The following YKT6 variants were observed in gnomAD, a reference collection of about 807,000 sequenced individuals.
The protein encoded by YKT6 is YKT6 vesicular SNARE protein.
YKT6 carries 12 observed loss-of-function variants against 29.3 expected under a neutral mutation model. That is an observed-to-expected ratio of 0.41 (90% CI 0.26 to 0.66). The LOEUF is 0.66. Ranked by LOEUF, YKT6 falls within the 30% of genes least tolerant of loss-of-function variation. The pLI is 0.32. For missense variants in YKT6, 188 were observed against 243.8 expected, an observed-to-expected ratio of 0.77 and a Z score of 1.52; for synonymous variants, 86 against 94.3, an observed-to-expected ratio of 0.91 and a Z score of 0.51.
chr7:44,203,333 A>G (rs2096337744), intron 1 of YKT6, among the ~76,000 whole-genome samples: 1 of 152,180 alleles, frequency 6.6e-6, no homozygotes, highest in African/African-American at 2.4e-5. Context: ...AGCTCAAGTG[A>G]TCCGCCTGCC....
intron 2 of YKT6, among the ~76,000 whole-genome samples, chr7:44,204,874 G>C (rs2096339273): frequency 6.6e-6 from 1 of 152,182 alleles, no homozygotes; most frequent in African/African-American, 2.4e-5. Flanking sequence ...TTTAAGATTA[G>C]GGTCTGACTC....
intron 1 of YKT6, among the ~76,000 whole-genome samples, chr7:44,202,927 T>G (rs1279244702): frequency 6.6e-6 from 1 of 152,164 alleles, no homozygotes; most frequent in Non-Finnish European, 1.5e-5. Flanking sequence ...TTCTTTTTCC[T>G]TTTTCCTTCC....
chr7:44,210,735 T>G, intron 5 of YKT6: 4 of 488,744 alleles, frequency 8.2e-6, no homozygotes, highest in Non-Finnish European at 1.2e-5. Flanking sequence ...TATATATATA[T>G]GAGTTTTCCT....
Position 44,212,234 on chromosome 7 carries a change from GT to G in YKT6, c.562-6del, listed in dbSNP as rs766059961. The G allele has an allele frequency of 1.9e-6, 3 of 1,613,758 alleles. No individual in the cohort carries two copies. The highest frequency in any genetic ancestry group is 2.5e-6 in the Non-Finnish European group (3 of 1,179,872). On this transcript the variant is annotated splice_polypyrimidine_tract_variant and intron_variant, in intron 6 of 6. Transcript: ENST00000223369. ...CAGTCCTCCTTCTCAGCTCCTCTTTGTTTTTTTCCAAGGCCCGGAAACAAAA... is the reference window on the plus strand; with the variant it reads ...CAGTCCTCCTTCTCAGCTCCTCTTTGTTTTTTCCAAGGCCCGGAAACAAAA...
chr7:44,201,282 G>T, intron 1 of YKT6, 43 bp downstream of exon 1: 2 of 1,576,342 alleles, frequency 1.3e-6, no homozygotes, highest in South Asian at 2.3e-5. Flanking sequence ...CGGGCGGAGA[G>T]GACTGGGGTG....
chr7:44,209,323 C>G (rs1254785434), intron 5 of YKT6, among the ~76,000 whole-genome samples: 1 of 152,182 alleles, frequency 6.6e-6, no homozygotes, highest in Non-Finnish European at 1.5e-5. Context: ...GGTGTGCTGA[C>G]TGCACTCCAA....
At chr7:44,210,993 G>C in intron 5 of YKT6, 30 bp from the exon 6 acceptor site, 1 of 1,612,152 alleles carries the variant, frequency 6.2e-7, no homozygotes, top group Non-Finnish European at 8.5e-7. Flanking sequence ...GTACTGAACA[G>C]AGCTGGATTC....
At chr7:44,206,552 G>A (rs1455586446) in intron 3 of YKT6, 67 bp downstream of exon 3, 1 of 1,362,374 alleles carries the variant, frequency 7.3e-7, no homozygotes, top group Non-Finnish European at 1.0e-6. Context: ...CTGGGACAGG[G>A]GTTGATGGCA....
rs987479707 is a variant in YKT6, at chr7:44,201,352, C to T, written c.104+113C>T. On this transcript the variant is annotated intron_variant, in intron 1 of 6. Coordinates refer to ENST00000223369, the MANE Select transcript of YKT6 (RefSeq NM_006555.4). ...AGGGATGAGGGGAGGGTGGAGGAGG[C>T]CAAGGGTAGGGGCAGGGCGGGGTGG... 1.8e-5 allele frequency: 11 copies of T among 613,720 alleles called. No homozygotes were observed. In the Admixed American group the frequency reaches 3.7e-4, roughly 21 times the overall value. The allele number at this position is 613,720 out of a possible 1,614,324, so 38.0% of individuals were successfully genotyped here.
chr7:44,212,352 GAA>G lies in YKT6; in HGVS notation c.*71_*72del. On this transcript the variant is annotated 3_prime_UTR_variant, in exon 7 of 7. Coordinates refer to ENST00000223369, the MANE Select transcript of YKT6 (RefSeq NM_006555.4). The stretch of plus-strand genomic sequence containing the variant: ...CATCAGAACTGCAGCCCCTGGAAAA[GAA>G]GAGACAGCCATAGACGAGGAGCCAG... 1 of 1,586,936 alleles carries G rather than the reference GAA, an allele frequency of 6.3e-7. No individual in the cohort carries two copies. Among genetic ancestry groups the G allele is most frequent in the Non-Finnish European group, 8.6e-7 (1 of 1,159,836 alleles).
chr7:44,209,295 C>G (rs2096344245), intron 5 of YKT6, among the ~76,000 whole-genome samples: 2 of 152,164 alleles, frequency 1.3e-5, no homozygotes, highest in South Asian at 4.1e-4. Flanking sequence ...AAAAAGCATC[C>G]CAGGGGCTTC....
At chr7:44,202,423 A>G (rs75229149) in intron 1 of YKT6, among the ~76,000 whole-genome samples, 1,878 of 152,278 alleles carry the variant, frequency 0.012, 20 homozygotes, top group Non-Finnish European at 0.019. Flanking sequence ...ATTCGTGTCT[A>G]TTAAACACAT....
intron 5 of YKT6, chr7:44,210,675 T>A: frequency 3.0e-6 from 1 of 333,676 alleles, no homozygotes; most frequent in Non-Finnish European, 5.7e-6. Context: ...CACGCACATG[T>A]GCGTGCACAC....
Position 44,213,269 on chromosome 7 carries a change from G to A in YKT6, c.*987G>A, listed in dbSNP as rs1205985588. 1 of 152,276 alleles carries A rather than the reference G, an allele frequency of 6.6e-6. No individual in the cohort carries two copies. The highest frequency in any genetic ancestry group is 1.5e-5 in the Non-Finnish European group (1 of 68,068). 9.4% of individuals were successfully genotyped at this position (152,276 alleles called of 1,614,324 possible). A position where few individuals can be genotyped will look rare whatever the true frequency, so the allele number is the denominator to read the frequency against. ...CTGCCTTGAACCGCCTGAGGCCTATGCATCTGAACAAGTGGGTCTCTCCCT... is the reference window on the plus strand; with the variant it reads ...CTGCCTTGAACCGCCTGAGGCCTATACATCTGAACAAGTGGGTCTCTCCCT... On this transcript the variant is annotated 3_prime_UTR_variant, in exon 7 of 7. Transcript: ENST00000223369.
chr7:44,214,263 G>T lies in YKT6; in HGVS notation c.*1981G>T, dbSNP rs1184652213. On this transcript the variant is annotated 3_prime_UTR_variant, in exon 7 of 7. Coordinates refer to ENST00000223369, the MANE Select transcript of YKT6 (RefSeq NM_006555.4). ...CTTCCCTGTGTTCTATTTGAGAGGC[G>T]CCTGTCTGGATAAAGTTGTCTTGAA... 2 of 152,336 alleles carry T rather than the reference G, an allele frequency of 1.3e-5. No homozygotes were observed. The highest frequency in any genetic ancestry group is 6.8e-3 in the Middle Eastern group (2 of 294). 9.4% of individuals were successfully genotyped at this position (152,336 alleles called of 1,614,324 possible).
chr7:44,205,113 C>A (rs2096339514), intron 2 of YKT6, among the ~76,000 whole-genome samples: 2 of 152,320 alleles, frequency 1.3e-5, no homozygotes, highest in Non-Finnish European at 1.5e-5. Flanking sequence ...GAAAGAGTTA[C>A]ATGAGTTTCA....
chr7:44,201,150 C>T lies in YKT6; in HGVS notation c.15C>T (p.Ser5=). 6.2e-7 allele frequency: 1 copy of T among 1,607,840 alleles called. No homozygotes were observed. The highest frequency in any genetic ancestry group is 1.1e-5 in the South Asian group (1 of 90,270). The change falls in exon 1 of 7, where the codon AGC becomes AGT. Residue 5 remains serine, a synonymous_variant. Coordinates refer to ENST00000223369, the MANE Select transcript of YKT6 (RefSeq NM_006555.4). MKLY[S]LSVLYKGEAK... ...GGCGCGGAGCCATGAAGCTGTACAG[C>T]CTCAGCGTCCTCTACAAAGGCGAGG...
chr7:44,201,216 C>T lies in YKT6; in HGVS notation c.81C>T (p.Ser27=), dbSNP rs368348100. The T allele has an allele frequency of 8.1e-6, 13 of 1,612,792 alleles. No individual in the cohort carries two copies. The African/African-American group carries it at 1.5e-4, about 18-fold the overall frequency. Residue 27 remains serine, a synonymous_variant, in exon 1 of 7, where the codon TCC becomes TCT. Coordinates refer to ENST00000223369, the MANE Select transcript of YKT6 (RefSeq NM_006555.4). ...TCAAAGCCGCATACGATGTGTCTTC[C>T]TTCAGCTTTTTCCAGAGATCCAGGT... is the stretch of plus-strand genomic sequence containing the variant. ...VLLKAAYDVS[S]FSFFQRSSVQ...
rs1047482906 is a variant in YKT6, at chr7:44,200,985, G to C, written c.-151G>C. 1.7e-6 allele frequency: 1 copy of C among 581,320 alleles called. No individual in the cohort carries two copies. Among genetic ancestry groups the C allele is most frequent in the Non-Finnish European group, 2.9e-6 (1 of 340,736 alleles). The allele number at this position is 581,320 out of a possible 1,614,324, so 36.0% of individuals were successfully genotyped here. A position where few individuals can be genotyped will look rare whatever the true frequency, so the allele number is the denominator to read the frequency against. On this transcript the variant is annotated 5_prime_UTR_variant, in exon 1 of 7. Transcript: ENST00000223369. ...CTGACCGGATCCGGAAGTGGATTGC[G>C]AGCCAGGAGGAGGAAGCCGGCGGTG...
Sources: allele counts gnomAD v4.1 joint callset (sites outside exome capture counted in the v4.1 genomes callset), GRCh38; gene constraint gnomAD v4.1.1; transcripts MANE v1.5; gene names NCBI Gene and HGNC (gene_info 2026-07-23, HGNC 2026-07-21).